Variants in DLG2 observed in about 807,000 individuals in gnomAD.
DLG2 encodes disks large homolog 2.
In DLG2, 45 loss-of-function variants were observed where a neutral mutation model predicts 132.5. The observed-to-expected ratio is 0.34, with a 90% CI of 0.27 to 0.44. The LOEUF is 0.44. Ranked by LOEUF, DLG2 falls within the 20% of genes least tolerant of loss-of-function variation. DLG2 has a pLI of 1.00. For synonymous variants in DLG2, 424 were observed against 419.6 expected (o/e 1.01, Z -0.13); for missense variants, 1,045 against 1,196.9 (o/e 0.87, Z 1.87).
intron 16 of DLG2, among the ~76,000 whole-genome samples, chr11:83,866,748 T>G (rs1236057167): frequency 1.3e-5 from 2 of 151,902 alleles, no homozygotes; most frequent in Non-Finnish European, 2.9e-5. Context: ...AAATAGGGAG[T>G]ATTTAAAAAA....
chr11:84,310,051 G>T (rs1430709037), intron 7 of DLG2, among the ~76,000 whole-genome samples: 1 of 152,112 alleles, frequency 6.6e-6, no homozygotes, highest in Admixed American at 6.5e-5. Context: ...CTCACTCAGG[G>T]TTCCTGAGAC....
rs553642644 is a variant in DLG2 at position 85,111,576 on chromosome 11, C to T, written c.357+85G>A. 26 of 1,063,542 alleles carry T rather than the reference C, an allele frequency of 2.4e-5. 1 individual carries two copies. In the South Asian group the frequency reaches 4.3e-4, roughly 17 times the overall value. 65.9% of individuals were successfully genotyped at this position (1,063,542 alleles called of 1,614,324 possible). On this transcript the variant is annotated intron_variant, in intron 6 of 27. Coordinates refer to ENST00000376104, the MANE Select transcript of DLG2 (RefSeq NM_001142699.3). ...TGCTTTACTCCAGAATTTCAGAGAG[C>T]ATTCTGGCTCATTCCACTAAGATTA...
Position 84,045,735 on chromosome 11 carries a change from T to C in DLG2, c.919+13580A>G, listed in dbSNP as rs182426313. ...TATAGAAATTTGTAGAGAAAATTTA[T>C]AGAAATTTGTAGAGAAAATTTCTCT... is the stretch of plus-strand genomic sequence containing the variant. On this transcript the variant is annotated intron_variant, in intron 11 of 27. Coordinates refer to ENST00000376104, the MANE Select transcript of DLG2 (RefSeq NM_001142699.3). Among the ~76,000 whole-genome samples, 50 of 151,668 alleles carry C rather than the reference T, an allele frequency of 3.3e-4. 1 individual carries two copies. Among genetic ancestry groups the C allele is most frequent in the African/African-American group, 1.2e-3 (48 of 41,476 alleles).
At chr11:84,473,736 G>A (rs2154491293) in intron 7 of DLG2, among the ~76,000 whole-genome samples, 1 of 152,094 alleles carries the variant, frequency 6.6e-6, no homozygotes, top group East Asian at 1.9e-4. Flanking sequence ...TCCTTTATAT[G>A]TTGTAGAAAT....
intron 6 of DLG2, among the ~76,000 whole-genome samples, chr11:84,875,632 C>T (rs187296752): frequency 1.3e-5 from 2 of 152,280 alleles, no homozygotes; most frequent in East Asian, 3.9e-4. Context: ...TATTACCTAT[C>T]ATCATCAATC....
At chr11:83,786,575 G>T (rs569921703) in intron 18 of DLG2, 115 bp downstream of exon 18, 2 of 882,042 alleles carry the variant, frequency 2.3e-6, no homozygotes, top group Admixed American at 4.2e-5. Flanking sequence ...TTCACTATAG[G>T]TAGGTTTACA....
intron 6 of DLG2, among the ~76,000 whole-genome samples, chr11:85,097,686 C>G (rs2070113124): frequency 6.6e-6 from 1 of 152,156 alleles, no homozygotes; most frequent in African/African-American, 2.4e-5. Flanking sequence ...CTACAAAAAG[C>G]TGTATTTCTG....
At chr11:84,237,967 G>A (rs977060594) in intron 8 of DLG2, among the ~76,000 whole-genome samples, 4 of 150,060 alleles carry the variant, frequency 2.7e-5, no homozygotes, top group African/African-American at 7.4e-5. Flanking sequence ...GCTTGAACCC[G>A]GGAGGCAGAG....
intron 4 of DLG2, among the ~76,000 whole-genome samples, chr11:85,248,900 G>C (rs376033775): frequency 6.6e-6 from 1 of 151,956 alleles, no homozygotes; most frequent in Non-Finnish European, 1.5e-5. Context: ...TTTGACTAGG[G>C]GACAAATTCT....
intron 7 of DLG2, among the ~76,000 whole-genome samples, chr11:84,456,865 A>G (rs1222080150): frequency 6.6e-6 from 1 of 151,298 alleles, no homozygotes; most frequent in Non-Finnish European, 1.5e-5. Flanking sequence ...TGCTCATCAA[A>G]TATTTGGAAG....
intron 3 of DLG2, among the ~76,000 whole-genome samples, chr11:85,340,290 C>T (rs1000606986): frequency 6.6e-6 from 1 of 152,162 alleles, no homozygotes; most frequent in Non-Finnish European, 1.5e-5. Context: ...ACATATACAC[C>T]ATGGAGTACT....
chr11:84,645,628 C>T (rs545903230), intron 6 of DLG2, among the ~76,000 whole-genome samples: 3 of 152,174 alleles, frequency 2.0e-5, no homozygotes, highest in Admixed American at 6.5e-5. Context: ...CCACCATGCC[C>T]GGCTAATTTT....
At chr11:83,493,217 C>T (rs1231258007) in intron 21 of DLG2, among the ~76,000 whole-genome samples, 4 of 152,066 alleles carry the variant, frequency 2.6e-5, no homozygotes, top group Non-Finnish European at 2.9e-5. Flanking sequence ...AAGGCTGATT[C>T]CTCACATCGT....
rs895882227 is a variant in DLG2, at chr11:84,801,444, G to A, written c.358-266713C>T. On this transcript the variant is annotated intron_variant, in intron 6 of 27. Transcript: ENST00000376104. ...AAACTAGCCGGGTGTGGTGGCGGGC[G>A]CCTGTAGTCCCAGCTACGCAGGAGG... Among the ~76,000 whole-genome samples the A allele has an allele frequency of 1.6e-4, 24 of 152,286 alleles. 1 individual carries two copies. Among genetic ancestry groups the A allele is most frequent in the Middle Eastern group, 6.8e-3 (2 of 294 alleles).
At chr11:85,481,305 G>A (rs72953925) in intron 3 of DLG2, among the ~76,000 whole-genome samples, 9,985 of 152,250 alleles carry the variant, frequency 0.066, 434 homozygotes, top group East Asian at 0.099. Context: ...GCAGAATAGG[G>A]CTCTCTAATG....
intron 7 of DLG2, among the ~76,000 whole-genome samples, chr11:84,376,753 G>A (rs2098730940): frequency 6.6e-6 from 1 of 151,716 alleles, no homozygotes; most frequent in South Asian, 2.1e-4. Context: ...GGTAGCTAGA[G>A]TGGCAACCAT....
intron 7 of DLG2, among the ~76,000 whole-genome samples, chr11:84,508,476 C>T (rs1273895361): frequency 1.3e-5 from 2 of 150,164 alleles, no homozygotes; most frequent in Non-Finnish European, 3.0e-5. Context: ...AATCTCAGCT[C>T]ACTGCAACCT....
At chr11:85,037,275 C>T (rs1267559167) in intron 6 of DLG2, among the ~76,000 whole-genome samples, 1 of 152,132 alleles carries the variant, frequency 6.6e-6, no homozygotes, top group Non-Finnish European at 1.5e-5. Flanking sequence ...AATGTATAGG[C>T]TTTGTAGTTA....
At chr11:85,082,316 A>C (rs1171746812) in intron 6 of DLG2, among the ~76,000 whole-genome samples, 1 of 152,116 alleles carries the variant, frequency 6.6e-6, no homozygotes, top group African/African-American at 2.4e-5. Context: ...TTAGAACTGG[A>C]GGAGGGAAAG....
Sources: allele counts gnomAD v4.1 joint callset (sites outside exome capture counted in the v4.1 genomes callset), GRCh38; gene constraint gnomAD v4.1.1; transcripts MANE v1.5; gene names NCBI Gene and HGNC (gene_info 2026-07-23, HGNC 2026-07-21).